The following DYNC1I2 variants were observed in gnomAD, a reference collection of about 807,000 sequenced individuals.
The protein encoded by DYNC1I2 is cytoplasmic dynein 1 intermediate chain 2.
DYNC1I2 carries 53 observed loss-of-function variants against 88.6 expected under a neutral mutation model. The observed-to-expected ratio is 0.60, with a 90% CI of 0.48 to 0.75. The LOEUF (loss-of-function observed/expected upper bound fraction) is 0.75, where lower values mean the gene tolerates loss of function less well. DYNC1I2 is among the 30% of genes least tolerant of loss of function. DYNC1I2 has a pLI of 0.00. For synonymous variants in DYNC1I2, 198 were observed against 254.6 expected (o/e 0.78, Z 2.12); for missense variants, 458 against 766.6 (o/e 0.60, Z 4.75).
intron 3 of DYNC1I2, among the ~76,000 whole-genome samples, chr2:171,694,652 C>T (rs753660168): frequency 5.9e-5 from 9 of 151,680 alleles, no homozygotes; most frequent in Middle Eastern, 6.8e-3. Flanking sequence ...AGTGAAACTC[C>T]GTCTCAAAAA....
At chr2:171,702,925 T>G (rs1170417496) in intron 3 of DYNC1I2, among the ~76,000 whole-genome samples, 2 of 152,140 alleles carry the variant, frequency 1.3e-5, no homozygotes, top group Non-Finnish European at 2.9e-5. Flanking sequence ...CTCTACAGGC[T>G]GAGTGTGCAG....
intron 15 of DYNC1I2, among the ~76,000 whole-genome samples, chr2:171,740,687 T>C (rs1482463805): frequency 2.6e-5 from 4 of 152,220 alleles, no homozygotes; most frequent in Non-Finnish European, 5.9e-5. Context: ...GGTTTTCTTC[T>C]TCAGGACCTG....
In DYNC1I2 at chr2:171,725,927, C is replaced by T. The variant is rs778389822; in HGVS notation, c.616C>T (p.His206Tyr). The change falls in exon 9 of 18, where the codon CAT becomes TAT. Residue 206 changes from histidine to tyrosine, a missense_variant. His to Tyr is a moderately conservative substitution (Grantham distance 83). Coordinates refer to ENST00000397119, the MANE Select transcript of DYNC1I2 (RefSeq NM_001378.3). ...AATTATTTATTTTCCAGCTCCCCCTCATGAGCTGACTGAAGAAGAAAAGCA... is the reference window on the plus strand; with the variant it reads ...AATTATTTATTTTCCAGCTCCCCCTTATGAGCTGACTGAAGAAGAAAAGCA... ...DEENDSKAPP[H>Y]ELTEEEKQQI... The T allele has an allele frequency of 6.4e-7, 1 of 1,571,258 alleles. No individual in the cohort carries two copies. Among genetic ancestry groups the T allele is most frequent in the Non-Finnish European group, 8.6e-7 (1 of 1,167,716 alleles).
intron 3 of DYNC1I2, among the ~76,000 whole-genome samples, chr2:171,694,178 C>G (rs1426890210): frequency 6.6e-6 from 1 of 151,998 alleles, no homozygotes; most frequent in Non-Finnish European, 1.5e-5. Context: ...GCTGGGACTA[C>G]AGGCTTGTGC....
intron 3 of DYNC1I2, among the ~76,000 whole-genome samples, chr2:171,699,591 A>AAT (rs889689380): frequency 7.3e-6 from 1 of 137,734 alleles, no homozygotes; most frequent in African/African-American, 2.8e-5. Context: ...CATCATTTGG[A>AAT]GTGTGTGTGT....
chr2:171,740,580 A>G (rs1476823060), intron 15 of DYNC1I2, among the ~76,000 whole-genome samples: 1 of 152,148 alleles, frequency 6.6e-6, no homozygotes, highest in Admixed American at 6.5e-5. Flanking sequence ...GTTCCTAGAT[A>G]CACAGGATAT....
intron 3 of DYNC1I2, among the ~76,000 whole-genome samples, chr2:171,693,295 A>G (rs1056049291): frequency 1.2e-4 from 19 of 152,210 alleles, no homozygotes; most frequent in African/African-American, 3.6e-4. Context: ...TGCAAAATAT[A>G]TTAGTATTCA....
intron 4 of DYNC1I2, 183 bp from the exon 5 acceptor site, chr2:171,707,104 T>C: frequency 2.4e-6 from 2 of 840,738 alleles, no homozygotes; most frequent in Admixed American, 5.5e-5. Context: ...GCATGCATTG[T>C]TAACTTTTTG....
At chr2:171,714,435 A>T (rs1177777637) in intron 6 of DYNC1I2, among the ~76,000 whole-genome samples, 2 of 152,158 alleles carry the variant, frequency 1.3e-5, no homozygotes, top group Non-Finnish European at 2.9e-5. Context: ...AAGTTGCAGC[A>T]GTGTCTTTAT....
intron 3 of DYNC1I2, among the ~76,000 whole-genome samples, chr2:171,693,261 A>G (rs1481947149): frequency 6.6e-6 from 1 of 152,236 alleles, no homozygotes; most frequent in African/African-American, 2.4e-5. Context: ...AGCGAGAGAT[A>G]CAATCAGACT....
At chr2:171,689,841 G>A (rs1395477432) in intron 1 of DYNC1I2, among the ~76,000 whole-genome samples, 1 of 150,484 alleles carries the variant, frequency 6.6e-6, no homozygotes, top group Non-Finnish European at 1.5e-5. Context: ...TGGGACTACA[G>A]GCACATGCCA....
At chr2:171,694,563 A>G (rs1239135139) in intron 3 of DYNC1I2, among the ~76,000 whole-genome samples, 1 of 152,078 alleles carries the variant, frequency 6.6e-6, no homozygotes, top group African/African-American at 2.4e-5. Context: ...AGGCTGAGGC[A>G]GGAGAATTGC....
chr2:171,696,519 A>G (rs755511237), intron 3 of DYNC1I2, among the ~76,000 whole-genome samples: 5 of 152,160 alleles, frequency 3.3e-5, no homozygotes, highest in Non-Finnish European at 4.4e-5. Context: ...TGTTTCCTAC[A>G]TTGTGGATGC....
At chr2:171,744,005 A>G (rs760229009) in intron 15 of DYNC1I2, 44 bp from the exon 16 acceptor site, 9 of 1,505,032 alleles carry the variant, frequency 6.0e-6, no homozygotes, top group South Asian at 1.4e-5. Flanking sequence ...AATGATTTGT[A>G]TGTCATATAT....
intron 5 of DYNC1I2, among the ~76,000 whole-genome samples, chr2:171,712,031 C>T (rs1435804816): frequency 6.6e-6 from 1 of 152,142 alleles, no homozygotes; most frequent in Non-Finnish European, 1.5e-5. Context: ...GTTACTTAGC[C>T]AGCAGGCGAT....
intron 1 of DYNC1I2, among the ~76,000 whole-genome samples, chr2:171,688,924 T>C (rs922631873): frequency 9.2e-5 from 14 of 152,178 alleles, no homozygotes; most frequent in Non-Finnish European, 1.8e-4. Flanking sequence ...TTGAAAGAGA[T>C]TGATCATTAG....
chr2:171,712,948 T>C (rs1440140543), intron 6 of DYNC1I2, 122 bp downstream of exon 6: 2 of 796,756 alleles, frequency 2.5e-6, no homozygotes, highest in Non-Finnish European at 4.1e-6. Context: ...AAGAGTTATA[T>C]TTTACTGTGA....
intron 6 of DYNC1I2, among the ~76,000 whole-genome samples, chr2:171,714,784 A>G (rs1404371139): frequency 6.6e-6 from 1 of 152,190 alleles, no homozygotes; most frequent in East Asian, 1.9e-4. Flanking sequence ...TTAGAGATTT[A>G]AAAGTTTTAA....
chr2:171,714,093 A>C (rs753436730), intron 6 of DYNC1I2, among the ~76,000 whole-genome samples: 2 of 152,156 alleles, frequency 1.3e-5, no homozygotes, highest in Non-Finnish European at 2.9e-5. Context: ...TTGCATCTTA[A>C]AAATCAGAAT....
Sources: allele counts gnomAD v4.1 joint callset (sites outside exome capture counted in the v4.1 genomes callset), GRCh38; gene constraint gnomAD v4.1.1; transcripts MANE v1.5; gene names NCBI Gene and HGNC (gene_info 2026-07-23, HGNC 2026-07-21).